SEM1: variants seen among roughly 807,000 people sequenced by gnomAD.
The protein encoded by SEM1 is SEM1 26S proteasome subunit, also known as 26S proteasome complex subunit SEM1.
Under a neutral mutation model 12.7 loss-of-function variants are expected in SEM1, and 3 were observed. The ratio of observed to expected loss-of-function variants is 0.24; its 90% CI spans 0.11 to 0.61. The LOEUF (loss-of-function observed/expected upper bound fraction) is 0.61, where lower values mean the gene tolerates loss of function less well. Among genes scored for constraint, SEM1 ranks in the 20% least tolerant of loss-of-function variants. The pLI is 0.88. For synonymous variants in SEM1, 30 were observed against 27.8 expected (o/e 1.08, Z -0.25); for missense variants, 59 against 81.3 (o/e 0.73, Z 1.06).
chr7:96,499,654 C>CAA (rs774788998), upstream of SEM1, among the ~76,000 whole-genome samples: 6 of 152,148 alleles, frequency 3.9e-5, no homozygotes, highest in Non-Finnish European at 7.4e-5. Flanking sequence ...AACAAATAAA[C>CAA]AAGTCAGTTG....
intron 2 of SEM1, among the ~76,000 whole-genome samples, chr7:96,577,484 C>T (rs1806245553): frequency 6.6e-6 from 1 of 151,826 alleles, no homozygotes; most frequent in African/African-American, 2.4e-5. Context: ...AATAACAAAA[C>T]ACCCAGCAGA....
At chr7:96,626,621 A>T (rs149134138) in intron 2 of SEM1, among the ~76,000 whole-genome samples, 134 of 152,246 alleles carry the variant, frequency 8.8e-4, no homozygotes, top group African/African-American at 3.2e-3. Flanking sequence ...ATCCTTGAAT[A>T]CTAAGGATAA....
intron 1 of SEM1, 62 bp from the exon 2 acceptor site, chr7:96,694,953 A>G: frequency 7.7e-7 from 1 of 1,293,478 alleles, no homozygotes; most frequent in Admixed American, 1.8e-5. Context: ...AATTACAAAA[A>G]CTTTGAAAAG....
At chr7:96,683,925 TAGATGATG>T (rs1372621141), downstream of SEM1, among the ~76,000 whole-genome samples, 4 of 152,024 alleles carry the variant, frequency 2.6e-5, no homozygotes, top group Admixed American at 1.3e-4. Context: ...ATACCTAATG[TAGATGATG>T]GGTTGATGGG....
At chr7:96,616,046 T>G (rs1007576684) in intron 2 of SEM1, among the ~76,000 whole-genome samples, 1 of 152,318 alleles carries the variant, frequency 6.6e-6, no homozygotes, top group South Asian at 2.1e-4. Flanking sequence ...TCTTTCCCAT[T>G]GAGTATATAC....
At chr7:96,707,499 C>T (rs890639169) in intron 1 of SEM1, among the ~76,000 whole-genome samples, 1 of 152,146 alleles carries the variant, frequency 6.6e-6, no homozygotes, top group Non-Finnish European at 1.5e-5. Flanking sequence ...TGGAAAGTTT[C>T]CTGAATGAAT....
intron 2 of SEM1, among the ~76,000 whole-genome samples, chr7:96,693,790 G>GTGTGTGTGTGTA (rs1023821213): frequency 3.4e-5 from 5 of 145,446 alleles, no homozygotes; most frequent in African/African-American, 1.3e-4. Flanking sequence ...GTGTGTGTGT[G>GTGTGTGTGTGTA]TATATATATA....
chr7:96,523,181 C>T (rs1804340348), intron 2 of SEM1, among the ~76,000 whole-genome samples: 2 of 152,146 alleles, frequency 1.3e-5, no homozygotes. Flanking sequence ...TAAATCCAGT[C>T]TCTCTCTATA....
chr7:96,664,893 G>T (rs188257710), intron 2 of SEM1, among the ~76,000 whole-genome samples: 1 of 152,232 alleles, frequency 6.6e-6, no homozygotes, highest in East Asian at 1.9e-4. Context: ...ACAGATACAC[G>T]AAATAAAATG....
At chr7:96,496,267 T>C in intron 1 of SEM1, 2 of 1,464,624 alleles carry the variant, frequency 1.4e-6, no homozygotes, top group Non-Finnish European at 1.8e-6. Context: ...ATTGATATAA[T>C]CCATATCAGT....
intron 2 of SEM1, among the ~76,000 whole-genome samples, chr7:96,512,080 A>ATG (rs1803952116): frequency 6.6e-6 from 1 of 152,142 alleles, no homozygotes; most frequent in African/African-American, 2.4e-5. Flanking sequence ...TTTCATCAAA[A>ATG]GACACAGCTT....
At chr7:96,669,768 G>A (rs1391232771), downstream of SEM1, among the ~76,000 whole-genome samples, 2 of 152,170 alleles carry the variant, frequency 1.3e-5, no homozygotes, top group Non-Finnish European at 2.9e-5. Context: ...CAAAATGCAT[G>A]ATAGTGTAGT....
intron 2 of SEM1, among the ~76,000 whole-genome samples, chr7:96,529,327 T>C (rs1292718114): frequency 6.6e-6 from 1 of 152,164 alleles, no homozygotes; most frequent in Non-Finnish European, 1.5e-5. Context: ...CTTTTTTCCC[T>C]ACCATGAAGG....
At chr7:96,516,078 A>G (rs1457897915) in intron 2 of SEM1, among the ~76,000 whole-genome samples, 2 of 152,098 alleles carry the variant, frequency 1.3e-5, no homozygotes, top group South Asian at 2.1e-4. Context: ...AAGGCCTTAT[A>G]TACGTCACAA....
intron 2 of SEM1, among the ~76,000 whole-genome samples, chr7:96,580,551 T>A (rs543065692): frequency 6.6e-6 from 1 of 152,198 alleles, no homozygotes; most frequent in Non-Finnish European, 1.5e-5. Flanking sequence ...CCACACTGAC[T>A]TCCACAATGG....
intron 2 of SEM1, among the ~76,000 whole-genome samples, chr7:96,537,197 A>G (rs751358091): frequency 3.6e-4 from 55 of 151,550 alleles, no homozygotes; most frequent in Non-Finnish European, 7.4e-5. Flanking sequence ...ACTATTCTCA[A>G]TTTCTCTCTA....
intron 2 of SEM1, among the ~76,000 whole-genome samples, chr7:96,628,923 G>A (rs1469322907): frequency 1.3e-5 from 2 of 152,132 alleles, no homozygotes; most frequent in African/African-American, 2.4e-5. Context: ...CACTAATCTA[G>A]GTTAGTTTTC....
chr7:96,503,984 G>A (rs943097483), intron 3 of SEM1, among the ~76,000 whole-genome samples: 3 of 152,080 alleles, frequency 2.0e-5, no homozygotes, highest in Admixed American at 6.6e-5. Flanking sequence ...TGGAACCCAT[G>A]GGTATAAATC....
upstream of SEM1, among the ~76,000 whole-genome samples, chr7:96,498,798 C>T (rs1339121030): frequency 2.0e-5 from 3 of 151,966 alleles, no homozygotes; most frequent in Admixed American, 6.6e-5. Flanking sequence ...CCTGACTTGT[C>T]CAAGTAACCC....
Sources: allele counts gnomAD v4.1 joint callset (sites outside exome capture counted in the v4.1 genomes callset), GRCh38; gene constraint gnomAD v4.1.1; transcripts MANE v1.5; gene names NCBI Gene and HGNC (gene_info 2026-07-23, HGNC 2026-07-21).